CHST11: variants seen among roughly 807,000 people sequenced by gnomAD.
CHST11 encodes the protein carbohydrate sulfotransferase 11.
Under a neutral mutation model 30.4 loss-of-function variants are expected in CHST11, and 9 were observed. That is an observed-to-expected ratio of 0.30 (90% CI 0.18 to 0.52). The LOEUF is 0.52. CHST11 is among the 20% of genes least tolerant of loss of function. The probability of loss-of-function intolerance (pLI) is 0.97; values close to 1 mark genes in which losing one functional copy is unlikely to be tolerated. For missense variants in CHST11, 348 were observed against 460.6 expected, an observed-to-expected ratio of 0.76 and a Z score of 2.24; for synonymous variants, 152 against 187.8, an observed-to-expected ratio of 0.81 and a Z score of 1.56.
At chr12:104,671,297 A>G (rs1367356314) in intron 2 of CHST11, among the ~76,000 whole-genome samples, 1 of 152,176 alleles carries the variant, frequency 6.6e-6, no homozygotes, top group Non-Finnish European at 1.5e-5. Flanking sequence ...AAAAGCCTGG[A>G]GCAGGGCTGC....
Position 104,569,349 on chromosome 12 carries a change from T to G in CHST11, c.119-32557T>G, listed in dbSNP as rs1467213328. On this transcript the variant is annotated intron_variant, in intron 1 of 2. Transcript: ENST00000303694. ...ATATTTTATATTCTGAATAAAAAAA[T>G]GCACACAACAAAAACAACCAGATAC... is the stretch of plus-strand genomic sequence containing the variant. 2.0e-5 allele frequency among the ~76,000 whole-genome samples: 3 copies of G among 152,152 alleles called. No individual in the cohort carries two copies. In the East Asian group the frequency reaches 5.8e-4, roughly 29 times the overall value.
intron 1 of CHST11, among the ~76,000 whole-genome samples, chr12:104,517,053 A>G (rs1253553947): frequency 2.0e-5 from 3 of 152,080 alleles, no homozygotes; most frequent in African/African-American, 7.2e-5. Context: ...AATCCTCTCC[A>G]TCATAGCTGT....
rs956345578 is a variant in CHST11 at position 104,463,472 on chromosome 12, C to T, written c.118+5943C>T. Among the ~76,000 whole-genome samples the T allele has an allele frequency of 3.3e-5, 5 of 152,276 alleles. No homozygotes were observed. The East Asian group carries it at 7.7e-4, about 23-fold the overall frequency. On this transcript the variant is annotated intron_variant, in intron 1 of 2. Coordinates refer to ENST00000303694, the MANE Select transcript of CHST11 (RefSeq NM_018413.6). ...GCAGACTTGTTCTCCTCCTCCCCAG[C>T]CCCCTGTCTGTCTGTCTCTCTCTCT...
chr12:104,481,538 C>G (rs1441282747), intron 1 of CHST11, among the ~76,000 whole-genome samples: 1 of 152,214 alleles, frequency 6.6e-6, no homozygotes, highest in Non-Finnish European at 1.5e-5. Flanking sequence ...CCTGAGCCCA[C>G]TGTTCCAGCT....
chr12:104,468,334 A>T (rs2037477713), intron 1 of CHST11, among the ~76,000 whole-genome samples: 2 of 152,104 alleles, frequency 1.3e-5, no homozygotes, highest in Admixed American at 6.6e-5. Context: ...TTGAATATAG[A>T]TTACTCCCCC....
chr12:104,528,860 A>G (rs1187469468), intron 1 of CHST11, among the ~76,000 whole-genome samples: 1 of 152,202 alleles, frequency 6.6e-6, no homozygotes, highest in East Asian at 1.9e-4. Flanking sequence ...TGACTTTGCA[A>G]TTCTTTCTGA....
chr12:104,609,859 C>T (rs2039041257), intron 2 of CHST11, among the ~76,000 whole-genome samples: 2 of 152,162 alleles, frequency 1.3e-5, no homozygotes, highest in South Asian at 2.1e-4. Context: ...TAGGCTCAGA[C>T]ATTTTGCACA....
In CHST11 at chr12:104,479,337, G is replaced by A. The variant is rs138677311; in HGVS notation, c.118+21808G>A. ...CCTTTCAGCAGTCCCAGTAGAAAGA[G>A]AGAGTACTTCTTTTTTCCAGCAGTT... On this transcript the variant is annotated intron_variant, in intron 1 of 2. Coordinates refer to ENST00000303694, the MANE Select transcript of CHST11 (RefSeq NM_018413.6). Among the ~76,000 whole-genome samples, 1,349 of 152,284 alleles carry A rather than the reference G, an allele frequency of 8.9e-3. 24 individuals carry two copies. Among genetic ancestry groups the A allele is most frequent in the African/African-American group, 0.03 (1,264 of 41,544 alleles).
chr12:104,542,051 G>A (rs1267733857), intron 1 of CHST11, among the ~76,000 whole-genome samples: 1 of 152,190 alleles, frequency 6.6e-6, no homozygotes, highest in Non-Finnish European at 1.5e-5. Flanking sequence ...GGATGTGTAG[G>A]ACCAAGTTAT....
intron 2 of CHST11, among the ~76,000 whole-genome samples, chr12:104,719,437 C>T (rs577734707): frequency 3.7e-4 from 56 of 152,344 alleles, no homozygotes; most frequent in Middle Eastern, 3.4e-3. Context: ...CCACGCTCCC[C>T]TTGCCCACTT....
chr12:104,597,056 A>G lies in CHST11; in HGVS notation c.119-4850A>G, dbSNP rs183973554. Among the ~76,000 whole-genome samples, 6 of 152,338 alleles carry G rather than the reference A, an allele frequency of 3.9e-5. No individual in the cohort carries two copies. The East Asian group carries it at 1.2e-3, about 29-fold the overall frequency. On this transcript the variant is annotated intron_variant, in intron 1 of 2. Transcript: ENST00000303694. ...CATTCCAGCAGCACTGAGAGGGGTC[A>G]CAGGGAGTCGCCCAGAGAACCAGGT...
At chr12:104,574,606 A>C (rs2038663349) in intron 1 of CHST11, among the ~76,000 whole-genome samples, 1 of 152,048 alleles carries the variant, frequency 6.6e-6, no homozygotes. Flanking sequence ...AACTATCGCA[A>C]GGACAAAAAA....
chr12:104,552,090 G>A (rs894217150), intron 1 of CHST11: 3 of 152,224 alleles, frequency 2.0e-5, no homozygotes, highest in African/African-American at 7.2e-5. Flanking sequence ...TGCGGATCCT[G>A]TTAGTAGATC....
At position 104,514,406 on chromosome 12, in the gene CHST11, G is replaced by A. The variant is rs529546970; in HGVS notation, c.118+56877G>A. The stretch of plus-strand genomic sequence containing the variant: ...CTGAGGTCATGGGGCTCTTCTGTTT[G>A]ATGGTTGCCTTCCTCATCCTCTTCA... On this transcript the variant is annotated intron_variant, in intron 1 of 2. Transcript: ENST00000303694. 3.4e-4 allele frequency: 310 copies of A among 904,210 alleles called. 1 individual carries two copies. Among genetic ancestry groups the A allele is most frequent in the Admixed American group, 5.5e-4 (32 of 58,692 alleles). 56.0% of individuals were successfully genotyped at this position (904,210 alleles called of 1,614,324 possible).
chr12:104,619,291 T>C (rs542731032), intron 2 of CHST11, among the ~76,000 whole-genome samples: 1 of 152,336 alleles, frequency 6.6e-6, no homozygotes, highest in South Asian at 2.1e-4. Context: ...GAACCAGGAC[T>C]GGGTTTGCTC....
chr12:104,609,169 T>C (rs1274567602), intron 2 of CHST11, among the ~76,000 whole-genome samples: 1 of 152,234 alleles, frequency 6.6e-6, no homozygotes, highest in African/African-American at 2.4e-5. Flanking sequence ...AATTAATCCC[T>C]TATTTACCAA....
chr12:104,593,174 G>A (rs920509020), intron 1 of CHST11, among the ~76,000 whole-genome samples: 3 of 152,142 alleles, frequency 2.0e-5, no homozygotes, highest in Non-Finnish European at 2.9e-5. Context: ...CAGGCTGGGC[G>A]TCGGGAGGGG....
chr12:104,720,621 C>T (rs1391951311), intron 2 of CHST11, among the ~76,000 whole-genome samples: 3 of 152,132 alleles, frequency 2.0e-5, no homozygotes, highest in African/African-American at 4.8e-5. Flanking sequence ...TGACGTGCTG[C>T]GGTCGGCAGC....
intron 1 of CHST11, among the ~76,000 whole-genome samples, chr12:104,556,966 G>A (rs1437395112): frequency 1.4e-5 from 2 of 141,390 alleles, no homozygotes; most frequent in African/African-American, 5.3e-5. Flanking sequence ...GGGCAACAGA[G>A]CAAGACTCTG....
Sources: allele counts gnomAD v4.1 joint callset (sites outside exome capture counted in the v4.1 genomes callset), GRCh38; gene constraint gnomAD v4.1.1; transcripts MANE v1.5; gene names NCBI Gene and HGNC (gene_info 2026-07-23, HGNC 2026-07-21).